IGF2R: variants seen among roughly 807,000 people sequenced by gnomAD.
IGF2R encodes the protein cation-independent mannose-6-phosphate receptor.
A neutral mutation model predicts 270.6 loss-of-function variants in IGF2R; 91 were observed. That is an observed-to-expected ratio of 0.34 (90% CI 0.28 to 0.40). The LOEUF is 0.40. IGF2R is among the 10% of genes least tolerant of loss of function. IGF2R has a pLI of 1.00. For synonymous variants in IGF2R, 1,316 were observed against 1,258.9 expected (o/e 1.05, Z -0.96); for missense variants, 2,805 against 3,188.3 (o/e 0.88, Z 2.90).
intron 21 of IGF2R, among the ~76,000 whole-genome samples, chr6:160,058,408 T>C (rs1157893492): frequency 6.6e-6 from 1 of 152,234 alleles, no homozygotes. Context: ...GTACTCATTG[T>C]CCATTGGTCT....
chr6:160,091,049 G>A lies in IGF2R; in HGVS notation c.6655+946G>A, dbSNP rs1304467849. ...GTGCTGAGCGCATCGCTGAGAAGGA[G>A]CGGGTGCTCTGTGCCCTGGTGCGGC... On this transcript the variant is annotated intron_variant, in intron 44 of 47. Transcript: ENST00000356956. 3.5e-4 allele frequency among the ~76,000 whole-genome samples: 48 copies of A among 137,404 alleles called. 1 individual carries two copies. Among genetic ancestry groups the A allele is most frequent in the African/African-American group, 1.4e-3 (48 of 35,130 alleles). The allele number at this position is 137,404 out of a possible 152,430, so 90.1% of individuals were successfully genotyped here. A position where few individuals can be genotyped will look rare whatever the true frequency, so the allele number is the denominator to read the frequency against.
rs970560394 is a variant in IGF2R, at chr6:160,063,503, C to T, written c.3759C>T (p.Gly1253=). 1.5e-5 allele frequency: 24 copies of T among 1,613,788 alleles called. No individual in the cohort carries two copies. Among genetic ancestry groups the T allele is most frequent in the South Asian group, 5.5e-5 (5 of 91,080 alleles). Residue 1253 remains glycine (G), a synonymous_variant, in exon 27 of 48, where the codon GGC becomes GGT. Transcript: ENST00000356956. ...LGLNDTIVSA[G]EYTYYFRVCG... is the part of the protein sequence containing the mutation. ...TCAACGACACCATCGTGAGCGCTGGCGAATACACTTATTACTTCCGGGTCT... is the reference window on the plus strand; with the variant it reads ...TCAACGACACCATCGTGAGCGCTGGTGAATACACTTATTACTTCCGGGTCT...
intron 35 of IGF2R, 27 bp from the exon 36 acceptor site, chr6:160,075,820 T>TA (rs771313364): frequency 1.2e-6 from 2 of 1,606,834 alleles, no homozygotes; most frequent in African/African-American, 1.3e-5. Flanking sequence ...TTTCCTGAAA[T>TA]ACTGTTTGCC....
intron 3 of IGF2R, chr6:160,010,394 ATGAC>A: frequency 4.0e-6 from 1 of 247,228 alleles, no homozygotes; most frequent in Non-Finnish European, 7.8e-6. Flanking sequence ...TGAGAGGAGA[ATGAC>A]TGAGGATTTC....
Position 159,969,229 on chromosome 6 carries a change from C to T in IGF2R, c.-18C>T, listed in dbSNP as rs1394999541. ...CGCCGTTAGCCTCGCGCCCGCCGCG[C>T]AGTCCGGGCCCGGCGCGATGGGGGC... On this transcript the variant is annotated 5_prime_UTR_variant, in exon 1 of 48. Coordinates refer to ENST00000356956, the MANE Select transcript of IGF2R (RefSeq NM_000876.4). 5.0e-6 allele frequency: 5 copies of T among 990,538 alleles called. No individual in the cohort carries two copies. The highest frequency in any genetic ancestry group is 6.0e-6 in the Non-Finnish European group (5 of 834,380). The allele number at this position is 990,538 out of a possible 1,614,324, so 61.4% of individuals were successfully genotyped here.
intron 2 of IGF2R, among the ~76,000 whole-genome samples, chr6:159,993,450 T>C (rs1784007417): frequency 6.6e-6 from 1 of 152,208 alleles, no homozygotes; most frequent in Admixed American, 6.5e-5. Flanking sequence ...TGTCCAGTTT[T>C]CCCAGCACCG....
chr6:159,982,928 A>G (rs1783828053), intron 1 of IGF2R, among the ~76,000 whole-genome samples: 1 of 152,216 alleles, frequency 6.6e-6, no homozygotes, highest in Admixed American at 6.5e-5. Context: ...AAGAACTCCA[A>G]ATTACATCTT....
chr6:160,089,811 G>T (rs997764029), intron 43 of IGF2R, 105 bp from the exon 44 acceptor site: 8 of 720,384 alleles, frequency 1.1e-5, no homozygotes, highest in Admixed American at 6.3e-5. Flanking sequence ...CCCTAGGAAA[G>T]GAAGCATCCT....
intron 25 of IGF2R, 58 bp from the exon 26 acceptor site, chr6:160,062,474 A>T: frequency 2.2e-6 from 3 of 1,386,264 alleles, no homozygotes; most frequent in Non-Finnish European, 3.1e-6. Context: ...GCCCGGCCCC[A>T]TTTGATTAAT....
At chr6:160,089,339 C>A in intron 43 of IGF2R, 86 bp downstream of exon 43, 1 of 1,233,788 alleles carries the variant, frequency 8.1e-7, no homozygotes, top group Non-Finnish European at 1.1e-6. Flanking sequence ...GGGAGCACTG[C>A]AGGATAAATA....
In IGF2R at chr6:160,047,249, C is replaced by G. The variant is rs760410210; in HGVS notation, c.2142C>G (p.Pro714=). The change falls in exon 16 of 48, where the codon CCC becomes CCG. Residue 714 remains proline, a synonymous_variant. Transcript: ENST00000356956. The stretch of plus-strand genomic sequence containing the variant: ...AACTGAACTACAGAGGCGGCACACC[C>G]TATAACAATGAAAGACACACACCGA... ...MIQLNYRGGT[P]YNNERHTPRA... is the part of the protein sequence containing the mutation. 1.2e-6 allele frequency: 2 copies of G among 1,613,454 alleles called. No homozygotes were observed. Among genetic ancestry groups the G allele is most frequent in the Non-Finnish European group, 1.7e-6 (2 of 1,179,892 alleles).
chr6:160,004,580 G>T lies in IGF2R; in HGVS notation c.290-4430G>T, dbSNP rs1229634470. The T allele has an allele frequency of 6.5e-6, 1 of 154,316 alleles. No homozygotes were observed. The highest frequency in any genetic ancestry group is 2.4e-5 in the African/African-American group (1 of 41,474). The allele number at this position is 154,316 out of a possible 1,614,324, so 9.6% of individuals were successfully genotyped here. The stretch of plus-strand genomic sequence containing the variant: ...GTGGGTCTAGTGAGTGTAGCTTGGA[G>T]TGCTGGGTGGTGTGGCCTGGCTGGC... On this transcript the variant is annotated intron_variant, in intron 2 of 47. Coordinates refer to ENST00000356956, the MANE Select transcript of IGF2R (RefSeq NM_000876.4). This position sits in a 1 kb window ranked among gnomAD's most constrained non-coding sequence, Gnocchi z 5.2.
intron 10 of IGF2R, 75 bp downstream of exon 10, chr6:160,034,597 T>C: frequency 6.2e-6 from 6 of 966,952 alleles, no homozygotes; most frequent in Non-Finnish European, 1.0e-5. Flanking sequence ...ACAGGCGTGT[T>C]CTTGGAAGTG....
chr6:160,102,440 G>A lies in IGF2R; in HGVS notation c.6843-79G>A. 1 of 1,497,410 alleles carries A rather than the reference G, an allele frequency of 6.7e-7. No homozygotes were observed. Among genetic ancestry groups the A allele is most frequent in the Non-Finnish European group, 9.2e-7 (1 of 1,091,076 alleles). The allele number at this position is 1,497,410 out of a possible 1,614,324, so 92.8% of individuals were successfully genotyped here. On this transcript the variant is annotated intron_variant, in intron 45 of 47. Coordinates refer to ENST00000356956, the MANE Select transcript of IGF2R (RefSeq NM_000876.4). The surrounding 1 kb of genome is among the most constrained non-coding windows in gnomAD (Gnocchi z 4.5). ...GGAAAGTCAGAGCTGCTCTTGCCTT[G>A]GGGACTCAGGTCTCAGGTTGTGGCT...
chr6:160,103,919 C>A, intron 47 of IGF2R, 104 bp downstream of exon 47: 2 of 728,786 alleles, frequency 2.7e-6, no homozygotes, highest in Non-Finnish European at 4.8e-6. Flanking sequence ...CAGTCACAGG[C>A]TGACTGGAAT....
intron 6 of IGF2R, among the ~76,000 whole-genome samples, 180 bp from the exon 7 acceptor site, chr6:160,029,370 T>A (rs9365125): frequency 1.9e-5 from 2 of 107,052 alleles, no homozygotes; most frequent in African/African-American, 5.8e-5. Flanking sequence ...TACTTAAAAC[T>A]TTTTTTTTTT....
chr6:160,072,147 C>G (rs1778755365), intron 32 of IGF2R, 111 bp downstream of exon 32: 1 of 1,385,522 alleles, frequency 7.2e-7, no homozygotes, highest in Non-Finnish European at 1.0e-6. Context: ...AGCAGGCGCC[C>G]TGGGCAGAGG....
rs1779675429 is a variant in IGF2R, at chr6:160,108,556, C to G, written c.*3472C>G. The G allele has an allele frequency of 6.6e-6, 1 of 152,292 alleles. No individual in the cohort carries two copies. Among genetic ancestry groups the G allele is most frequent in the Admixed American group, 6.5e-5 (1 of 15,288 alleles). The allele number at this position is 152,292 out of a possible 1,614,324, so 9.4% of individuals were successfully genotyped here. On this transcript the variant is annotated 3_prime_UTR_variant, in exon 48 of 48. Transcript: ENST00000356956. ...CTGTGGCTGTGCTGAGCTGAGAAGC[C>G]TCAGACTGCCTGCGAGGCTCTCTCT...
At position 160,029,371 on chromosome 6, in the gene IGF2R, T is replaced by C. The variant is rs1048162463; in HGVS notation, c.777-179T>C. ...CACTCACTGGAGTTTACTTAAAACTTTTTTTTTTTTCAAATGGAAATAAAG... is the reference window on the plus strand; with the variant it reads ...CACTCACTGGAGTTTACTTAAAACTCTTTTTTTTTTCAAATGGAAATAAAG... On this transcript the variant is annotated intron_variant, in intron 6 of 47. Coordinates refer to ENST00000356956, the MANE Select transcript of IGF2R (RefSeq NM_000876.4). 1.3e-4 allele frequency among the ~76,000 whole-genome samples: 13 copies of C among 101,446 alleles called. No homozygotes were observed. In the South Asian group the frequency reaches 2.8e-3, roughly 22 times the overall value. The allele number at this position is 101,446 out of a possible 152,430, so 66.6% of individuals were successfully genotyped here.
Sources: gnomAD v4.1 joint callset for allele counts (sites outside exome capture counted in the v4.1 genomes callset) on GRCh38, gnomAD v4.1.1 for gene constraint, Gnocchi (gnomAD v3.1) non-coding constraint, MANE v1.5 for transcripts, NCBI Gene and HGNC (gene_info 2026-07-23, HGNC 2026-07-21) for gene names.